The following ITSN1 variants were observed in gnomAD, a reference collection of about 807,000 sequenced individuals.
ITSN1 encodes the protein intersectin 1, also known as intersectin-1.
In ITSN1, 58 loss-of-function variants were observed where a neutral mutation model predicts 239.8. The observed-to-expected ratio is 0.24, with a 90% CI of 0.20 to 0.30. The LOEUF is 0.30. ITSN1 is among the 10% of genes least tolerant of loss of function. The pLI is 1.00. For synonymous variants in ITSN1, 780 were observed against 770.8 expected (o/e 1.01, Z -0.20); for missense variants, 1,558 against 2,103.3 (o/e 0.74, Z 5.07).
intron 1 of ITSN1, among the ~76,000 whole-genome samples, chr21:33,670,320 A>G (rs1226656691): frequency 6.6e-6 from 1 of 152,130 alleles, no homozygotes; most frequent in African/African-American, 2.4e-5. Context: ...ATGTCATGAC[A>G]CTCTAGCCTG....
At chr21:33,841,104 G>A (rs1209688901) in intron 29 of ITSN1, among the ~76,000 whole-genome samples, 3 of 152,158 alleles carry the variant, frequency 2.0e-5, no homozygotes, top group East Asian at 3.9e-4. Flanking sequence ...GCAGTAACTC[G>A]GCCCTATGTT....
At chr21:33,720,924 G>A (rs985022188) in intron 2 of ITSN1, among the ~76,000 whole-genome samples, 1 of 152,138 alleles carries the variant, frequency 6.6e-6, no homozygotes, top group Non-Finnish European at 1.5e-5. Context: ...TATAAAACAA[G>A]TTTCTAAAAA....
At chr21:33,761,794 G>A (rs1311840646) in intron 8 of ITSN1, 129 bp from the exon 9 acceptor site, 2 of 670,840 alleles carry the variant, frequency 3.0e-6, no homozygotes, top group Middle Eastern at 2.5e-4. Flanking sequence ...TGCGGTAGTA[G>A]CAAATGTTAT....
At chr21:33,829,825 T>C in intron 27 of ITSN1, 80 bp downstream of exon 27, 2 of 1,547,408 alleles carry the variant, frequency 1.3e-6, no homozygotes, top group African/African-American at 1.4e-5. Context: ...TATTTTATTG[T>C]AAAGTACAAA....
In ITSN1 at chr21:33,883,688, C is replaced by A. The variant is rs779621222; in HGVS notation, c.4676+17C>A. ...AAATGAAAGGTGAGACCTGCCGCCTCCCCAGCATGGGCCCCAGGGCTCCAC... is the reference window on the plus strand; with the variant it reads ...AAATGAAAGGTGAGACCTGCCGCCTACCCAGCATGGGCCCCAGGGCTCCAC... On this transcript the variant is annotated intron_variant, in intron 36 of 39. Transcript: ENST00000381318. The A allele has an allele frequency of 8.8e-5, 141 of 1,610,968 alleles. No homozygotes were observed. The highest frequency in any genetic ancestry group is 1.1e-4 in the Non-Finnish European group (125 of 1,178,060).
intron 18 of ITSN1, among the ~76,000 whole-genome samples, chr21:33,798,760 T>C (rs1286976030): frequency 2.6e-5 from 4 of 152,192 alleles, no homozygotes; most frequent in Non-Finnish European, 5.9e-5. Context: ...GCGTGAGGTA[T>C]GGAGTTGCAT....
At position 33,734,028 on chromosome 21, in the gene ITSN1, G is replaced by A. The variant is rs187571273; in HGVS notation, c.186-1016G>A. On this transcript the variant is annotated intron_variant, in intron 4 of 39. Transcript: ENST00000381318. ...TAATTTTCTTTTGTGAACACTGTCC[G>A]GATATGGCTCAGTCTAAAAGATCAT... 7.2e-5 allele frequency among the ~76,000 whole-genome samples: 11 copies of A among 151,994 alleles called. No individual in the cohort carries two copies. The East Asian group carries it at 1.2e-3, about 16-fold the overall frequency.
At chr21:33,775,404 G>T (rs548480178) in intron 14 of ITSN1, among the ~76,000 whole-genome samples, 17 of 152,290 alleles carry the variant, frequency 1.1e-4, no homozygotes, top group African/African-American at 3.6e-4. Context: ...GAGGAACAGA[G>T]ACTAACAAAA....
intron 9 of ITSN1, among the ~76,000 whole-genome samples, chr21:33,764,677 G>A (rs1486804023): frequency 6.6e-6 from 1 of 152,178 alleles, no homozygotes; most frequent in African/African-American, 2.4e-5. Context: ...AAAGTTTATA[G>A]CACCTAAGGA....
chr21:33,682,208 T>C (rs936142003), intron 1 of ITSN1, among the ~76,000 whole-genome samples: 4 of 151,744 alleles, frequency 2.6e-5, no homozygotes, highest in African/African-American at 7.3e-5. Flanking sequence ...ATAATTCCTT[T>C]CTTTCTTTTC....
chr21:33,664,403 C>T (rs765649395), intron 1 of ITSN1, among the ~76,000 whole-genome samples: 1 of 152,110 alleles, frequency 6.6e-6, no homozygotes, highest in East Asian at 1.9e-4. Flanking sequence ...AGGTTGTTAA[C>T]AGCCAGCTCA....
chr21:33,763,242 A>C (rs2068485317), intron 9 of ITSN1, among the ~76,000 whole-genome samples: 1 of 151,462 alleles, frequency 6.6e-6, no homozygotes, highest in African/African-American at 2.4e-5. Flanking sequence ...AAAAAAAAAA[A>C]AAAAAAAAAA....
At chr21:33,712,645 C>T (rs765773403) in intron 1 of ITSN1, among the ~76,000 whole-genome samples, 40 of 152,174 alleles carry the variant, frequency 2.6e-4, no homozygotes, top group Non-Finnish European at 4.4e-4. Context: ...TTAGTCTCTG[C>T]ACCTGTGCTT....
intron 4 of ITSN1, among the ~76,000 whole-genome samples, chr21:33,732,717 G>C (rs1292356597): frequency 6.6e-6 from 1 of 152,102 alleles, no homozygotes; most frequent in Non-Finnish European, 1.5e-5. Flanking sequence ...ATAAGAACTT[G>C]TAGGAGTCTG....
intron 20 of ITSN1, among the ~76,000 whole-genome samples, chr21:33,810,431 GC>G (rs1291299039): frequency 2.6e-5 from 4 of 151,874 alleles, no homozygotes; most frequent in African/African-American, 9.7e-5. Context: ...GCTTTTAAAT[GC>G]CTAAACACAG....
rs377674650 is a variant in ITSN1, at chr21:33,787,492, C to T, written c.1824+5359C>T. ...CTGTTCTAAAAATTGCTCTTAGAAC[C>T]GAATCGATGTTGAAATGAGAAGGCC... On this transcript the variant is annotated intron_variant, in intron 16 of 39. Coordinates refer to ENST00000381318, the MANE Select transcript of ITSN1 (RefSeq NM_003024.3). Among the ~76,000 whole-genome samples, 6 of 151,994 alleles carry T rather than the reference C, an allele frequency of 3.9e-5. 1 individual carries two copies. The South Asian group carries it at 6.2e-4, about 16-fold the overall frequency.
chr21:33,816,704 A>G (rs2073296401), intron 22 of ITSN1, among the ~76,000 whole-genome samples: 1 of 152,206 alleles, frequency 6.6e-6, no homozygotes, highest in African/African-American at 2.4e-5. Flanking sequence ...TAGAGAAATC[A>G]GTGAAGTGGC....
At chr21:33,645,707 C>T (rs942023790) in intron 1 of ITSN1, among the ~76,000 whole-genome samples, 1 of 152,094 alleles carries the variant, frequency 6.6e-6, no homozygotes, top group Non-Finnish European at 1.5e-5. Flanking sequence ...TCTGTCACCT[C>T]GCTTCAGAAT....
At chr21:33,744,251 A>T (rs1394126543) in intron 5 of ITSN1, among the ~76,000 whole-genome samples, 2 of 151,868 alleles carry the variant, frequency 1.3e-5, no homozygotes, top group East Asian at 3.8e-4. Flanking sequence ...ATGTGGTAAA[A>T]ACAAATAAGT....
Sources: gnomAD v4.1 joint callset for allele counts (sites outside exome capture counted in the v4.1 genomes callset) on GRCh38, gnomAD v4.1.1 for gene constraint, MANE v1.5 for transcripts, NCBI Gene and HGNC (gene_info 2026-07-23, HGNC 2026-07-21) for gene names.